CEP128: variants seen among roughly 807,000 people sequenced by gnomAD.
The protein encoded by CEP128 is centrosomal protein 128kDa.
In CEP128, 132 loss-of-function variants were observed where a neutral mutation model predicts 156.7. That is an observed-to-expected ratio of 0.84 (90% CI 0.73 to 0.97). The LOEUF (loss-of-function observed/expected upper bound fraction) is 0.97. Ranked by LOEUF, CEP128 falls within the 50% of genes least tolerant of loss-of-function variation. The pLI is 0.00. For missense variants in CEP128, 1,252 were observed against 1,281.9 expected (o/e 0.98, Z 0.36); for synonymous variants, 469 against 448.9 (o/e 1.04, Z -0.57).
intron 2 of CEP128, among the ~76,000 whole-genome samples, chr14:80,924,547 G>C (rs1885045082): frequency 6.6e-6 from 1 of 152,110 alleles, no homozygotes; most frequent in African/African-American, 2.4e-5. Flanking sequence ...TGGGGAGTCA[G>C]GTTAGGATTT....
At chr14:80,590,103 C>T (rs1456514433) in intron 19 of CEP128, among the ~76,000 whole-genome samples, 1 of 152,078 alleles carries the variant, frequency 6.6e-6, no homozygotes, top group African/African-American at 2.4e-5. Flanking sequence ...GAATGATCAC[C>T]TGCAGCATGG....
At chr14:80,700,382 C>T (rs1897033206) in intron 19 of CEP128, among the ~76,000 whole-genome samples, 1 of 151,992 alleles carries the variant, frequency 6.6e-6, no homozygotes, top group Non-Finnish European at 1.5e-5. Flanking sequence ...GTTCCTGCAA[C>T]TGTCATAGTA....
intron 19 of CEP128, among the ~76,000 whole-genome samples, chr14:80,582,719 T>G (rs1185775077): frequency 1.3e-5 from 2 of 152,070 alleles, no homozygotes; most frequent in African/African-American, 2.4e-5. Flanking sequence ...ACAACAGATT[T>G]CTACACCATC....
At chr14:80,831,029 A>T in intron 13 of CEP128, 114 bp downstream of exon 13, 1 of 880,068 alleles carries the variant, frequency 1.1e-6, no homozygotes, top group Non-Finnish European at 1.9e-6. Context: ...TTATATTATC[A>T]ATGCTCACAC....
At chr14:80,918,900 G>T (rs1370438601) in intron 2 of CEP128, among the ~76,000 whole-genome samples, 1 of 151,962 alleles carries the variant, frequency 6.6e-6, no homozygotes, top group Admixed American at 6.6e-5. Context: ...CCAGATTAAG[G>T]GGTTTTTGTT....
intron 24 of CEP128, 90 bp from the exon 25 acceptor site, chr14:80,497,672 C>A: frequency 2.5e-6 from 2 of 785,126 alleles, no homozygotes; most frequent in Non-Finnish European, 4.2e-6. Flanking sequence ...GTTAATGTAT[C>A]ATGGTATTTG....
chr14:80,554,287 T>C (rs1890336150), intron 21 of CEP128, among the ~76,000 whole-genome samples: 1 of 152,218 alleles, frequency 6.6e-6, no homozygotes, highest in South Asian at 2.1e-4. Flanking sequence ...TAATCTTTTG[T>C]ATATATTTTT....
intron 21 of CEP128, among the ~76,000 whole-genome samples, chr14:80,551,247 G>A (rs1199089368): frequency 2.6e-4 from 40 of 152,182 alleles, no homozygotes; most frequent in Admixed American, 2.6e-3. Flanking sequence ...TGGAAGGCAT[G>A]CCAAAAAGGC....
At chr14:80,840,813 A>C (rs772005588) in intron 9 of CEP128, 45 bp from the exon 10 acceptor site, 1 of 1,165,054 alleles carries the variant, frequency 8.6e-7, no homozygotes, top group South Asian at 1.2e-5. Context: ...AATATGTACA[A>C]AACTGAAAGT....
intron 4 of CEP128, among the ~76,000 whole-genome samples, chr14:80,910,043 T>C (rs535335360): frequency 6.6e-6 from 1 of 152,220 alleles, no homozygotes; most frequent in Admixed American, 6.5e-5. Context: ...CTACTAGGAC[T>C]ACCTCACCAG....
intron 23 of CEP128, among the ~76,000 whole-genome samples, chr14:80,511,482 G>C (rs565591634): frequency 1.4e-4 from 21 of 151,592 alleles, no homozygotes; most frequent in African/African-American, 5.1e-4. Context: ...TATTTATTTG[G>C]GTCTTTTCTC....
At chr14:80,690,890 T>A (rs1436744980) in intron 19 of CEP128, among the ~76,000 whole-genome samples, 1 of 152,138 alleles carries the variant, frequency 6.6e-6, no homozygotes, top group African/African-American at 2.4e-5. Context: ...GTTAAAAATA[T>A]AAATTTAGTT....
At chr14:80,572,401 A>G (rs766170994) in intron 20 of CEP128, among the ~76,000 whole-genome samples, 3 of 152,222 alleles carry the variant, frequency 2.0e-5, no homozygotes, top group Non-Finnish European at 4.4e-5. Flanking sequence ...TCTGTTGCAC[A>G]CTATAGTCAT....
intron 19 of CEP128, among the ~76,000 whole-genome samples, chr14:80,709,231 C>T (rs1329243655): frequency 4.0e-5 from 6 of 151,768 alleles, no homozygotes; most frequent in Non-Finnish European, 4.4e-5. Context: ...CTCTGCTTCC[C>T]GGGTTCAAGT....
chr14:80,560,004 T>C (rs972352299), intron 20 of CEP128, among the ~76,000 whole-genome samples: 6 of 152,212 alleles, frequency 3.9e-5, no homozygotes, highest in African/African-American at 1.4e-4. Context: ...GTGACATCTA[T>C]AAACAGGAAG....
chr14:80,815,000 G>C (rs1029906792), intron 13 of CEP128, among the ~76,000 whole-genome samples: 1 of 152,222 alleles, frequency 6.6e-6, no homozygotes, highest in African/African-American at 2.4e-5. Flanking sequence ...AGAGATTGTA[G>C]TGAGCCGAGA....
At chr14:80,709,330 G>A (rs1897323359) in intron 19 of CEP128, among the ~76,000 whole-genome samples, 1 of 151,938 alleles carries the variant, frequency 6.6e-6, no homozygotes. Flanking sequence ...TACAGATGGG[G>A]TTTCACTATG....
chr14:80,629,520 T>C (rs1893875859), intron 19 of CEP128, among the ~76,000 whole-genome samples: 2 of 147,516 alleles, frequency 1.4e-5, no homozygotes, highest in Non-Finnish European at 3.0e-5. Context: ...AATATATTTT[T>C]TTTTTCTTTT....
At chr14:80,621,502 G>A (rs1462108942) in intron 19 of CEP128, among the ~76,000 whole-genome samples, 2 of 152,116 alleles carry the variant, frequency 1.3e-5, no homozygotes, top group African/African-American at 4.8e-5. Flanking sequence ...ATGAATAAGG[G>A]ATGATATTAA....
Sources: allele counts gnomAD v4.1 joint callset (sites outside exome capture counted in the v4.1 genomes callset), GRCh38; gene constraint gnomAD v4.1.1; transcripts MANE v1.5; gene names NCBI Gene and HGNC (gene_info 2026-07-23, HGNC 2026-07-21).